WNT16: variants seen among roughly 807,000 people sequenced by gnomAD.
WNT16 encodes the protein protein Wnt-16.
A neutral mutation model predicts 35.4 loss-of-function variants in WNT16; 20 were observed. That is an observed-to-expected ratio of 0.56 (90% CI 0.40 to 0.82). The LOEUF is 0.82. WNT16 is among the 40% of genes least tolerant of loss of function. The pLI, the probability that WNT16 is intolerant of heterozygous loss-of-function variation, is 0.00. For missense variants in WNT16, 461 were observed against 466.0 expected, an observed-to-expected ratio of 0.99 and a Z score of 0.10; for synonymous variants, 180 against 179.2, an observed-to-expected ratio of 1.00 and a Z score of -0.03.
chr7:121,328,166 T>A (rs932329455), upstream of WNT16, among the ~76,000 whole-genome samples: 3 of 152,076 alleles, frequency 2.0e-5, no homozygotes, highest in African/African-American at 7.2e-5. Context: ...GGCAAAGGGG[T>A]GCCCAATCCT....
At position 121,340,793 on chromosome 7, in the gene WNT16, C is replaced by T. The variant is rs1241213830; in HGVS notation, c.*1448C>T. On this transcript the variant is annotated 3_prime_UTR_variant, in exon 4 of 4. Coordinates refer to ENST00000222462, the MANE Select transcript of WNT16 (RefSeq NM_057168.2). ...ATGCATGTATATTCATCATATTTTA[C>T]AAGGTTCCTGGTAAAAATTACAGGG... 1 of 152,110 alleles carries T rather than the reference C, an allele frequency of 6.6e-6. No individual in the cohort carries two copies. The highest frequency in any genetic ancestry group is 1.5e-5 in the Non-Finnish European group (1 of 67,912). The allele number at this position is 152,110 out of a possible 1,614,324, so 9.4% of individuals were successfully genotyped here. A position where few individuals can be genotyped will look rare whatever the true frequency, so the allele number is the denominator to read the frequency against.
chr7:121,330,717 A>G (rs1793332007), intron 2 of WNT16, among the ~76,000 whole-genome samples: 1 of 114,720 alleles, frequency 8.7e-6, no homozygotes, highest in African/African-American at 3.2e-5. Flanking sequence ...GTAGAGAGAA[A>G]AAAAAAAAAA....
At chr7:121,333,983 T>C (rs1023568342) in intron 3 of WNT16, among the ~76,000 whole-genome samples, 2 of 152,054 alleles carry the variant, frequency 1.3e-5, no homozygotes, top group African/African-American at 4.8e-5. Context: ...TAGGTAGTAA[T>C]GTTCCTCTCT....
At chr7:121,332,237 C>CGTGTGTGTGTGT (rs56219125) in intron 3 of WNT16, among the ~76,000 whole-genome samples, 13,571 of 151,326 alleles carry the variant, frequency 0.09, 805 homozygotes, top group Non-Finnish European at 0.13. Flanking sequence ...AATAAATATA[C>CGTGTGTGTGTGT]GTGTGTGTGT....
At chr7:121,336,527 G>A (rs879408136) in intron 3 of WNT16, among the ~76,000 whole-genome samples, 3 of 152,202 alleles carry the variant, frequency 2.0e-5, no homozygotes, top group Non-Finnish European at 2.9e-5. Flanking sequence ...ATCCTTCATC[G>A]TGTTGTAGTG....
chr7:121,338,838 C>T lies in WNT16; in HGVS notation c.634-43C>T, dbSNP rs1308205020. On this transcript the variant is annotated intron_variant, in intron 3 of 3. Transcript: ENST00000222462. ...ACTGTGCTTCTGTTGTTGAGTAAAA[C>T]ACTTTATGATTGATAGTTGAACACA... 2.0e-6 allele frequency: 3 copies of T among 1,537,408 alleles called. No homozygotes were observed. In the Admixed American group the frequency reaches 5.7e-5, roughly 29 times the overall value.
At position 121,336,148 on chromosome 7, in the gene WNT16, T is replaced by C. The variant is rs147098229; in HGVS notation, c.634-2733T>C. 2.6e-5 allele frequency among the ~76,000 whole-genome samples: 4 copies of C among 151,996 alleles called. No individual in the cohort carries two copies. The East Asian group carries it at 7.7e-4, about 29-fold the overall frequency. On this transcript the variant is annotated intron_variant, in intron 3 of 3. Transcript: ENST00000222462. ...TATTATGGGGGTATAATCTTTGAAA[T>C]TCCAGGTCAGGTTATTGATATTTTT...
chr7:121,331,362 T>C (rs111629912), intron 2 of WNT16, among the ~76,000 whole-genome samples: 1 of 152,208 alleles, frequency 6.6e-6, no homozygotes, highest in Non-Finnish European at 1.5e-5. Context: ...GAGCTATGAC[T>C]GTCAACTGTG....
Position 121,338,981 on chromosome 7 carries a change from T to C in WNT16, c.734T>C (p.Ile245Thr), listed in dbSNP as rs779537730. 2 of 1,614,114 alleles carry C rather than the reference T, an allele frequency of 1.2e-6. No homozygotes were observed. Among genetic ancestry groups the C allele is most frequent in the South Asian group, 1.1e-5 (1 of 91,088 alleles). ...AAAACCATGTCTTCTTTTGAAAAGA[T>C]TGGCCATTTGTTGAAGGATAAATAT... The part of the protein sequence containing the change: ...CWKTMSSFEK[I>T]GHLLKDKYEN... Residue 245 changes from isoleucine to threonine, a missense_variant, in exon 4 of 4, where the codon ATT (isoleucine) becomes ACT (threonine). By Grantham distance (89) the Ile-to-Thr change is moderately conservative. Coordinates refer to ENST00000222462, the MANE Select transcript of WNT16 (RefSeq NM_057168.2).
intron 2 of WNT16, among the ~76,000 whole-genome samples, chr7:121,330,439 C>T (rs926017128): frequency 1.3e-5 from 2 of 152,238 alleles, no homozygotes; most frequent in Non-Finnish European, 1.5e-5. Context: ...CGGGAAGCTG[C>T]AGGAAAACAA....
chr7:121,333,995 T>C (rs1793395523), intron 3 of WNT16, among the ~76,000 whole-genome samples: 1 of 152,032 alleles, frequency 6.6e-6, no homozygotes, highest in Non-Finnish European at 1.5e-5. Flanking sequence ...TTCCTCTCTG[T>C]AACTGTTAAT....
In WNT16 at chr7:121,329,804, C is replaced by A. The variant is rs1414191450; in HGVS notation, c.333C>A (p.Tyr111Ter). Residue 111 changes from tyrosine (Y) to a stop codon, truncating the protein, a stop_gained, in exon 2 of 4, where the codon TAC becomes TAA. Transcript: ENST00000222462. LOFTEE classifies it high-confidence loss of function. ...APMGASPLFG[Y>*]ELSSGTKETA... ...TGGGCGCCAGCCCCCTCTTTGGCTA[C>A]GAGCTGAGCAGCGGTGAGTCCTGGG... The A allele has an allele frequency of 6.2e-7, 1 of 1,603,798 alleles. No individual in the cohort carries two copies. The highest frequency in any genetic ancestry group is 1.7e-5 in the Admixed American group (1 of 60,034).
At chr7:121,337,569 T>A (rs1413867865) in intron 3 of WNT16, among the ~76,000 whole-genome samples, 1 of 152,238 alleles carries the variant, frequency 6.6e-6, no homozygotes. Flanking sequence ...TTACCCAGCA[T>A]GTTGACAGAA....
At chr7:121,327,349 C>CTTTTT (rs34420179), upstream of WNT16, among the ~76,000 whole-genome samples, 4 of 121,552 alleles carry the variant, frequency 3.3e-5, no homozygotes, top group Non-Finnish European at 5.1e-5. Flanking sequence ...CTATCTAATC[C>CTTTTT]TTTTTTTTTT....
At chr7:121,330,161 A>C (rs922596923) in intron 2 of WNT16, among the ~76,000 whole-genome samples, 1 of 152,236 alleles carries the variant, frequency 6.6e-6, no homozygotes, top group Non-Finnish European at 1.5e-5. Context: ...CAGCTGGAGA[A>C]ACATGATGTC....
chr7:121,337,006 T>C (rs757247393), intron 3 of WNT16, among the ~76,000 whole-genome samples: 1 of 152,164 alleles, frequency 6.6e-6, no homozygotes, highest in Non-Finnish European at 1.5e-5. Flanking sequence ...TCGTAAACTT[T>C]GGGAGCTTAA....
At position 121,329,839 on chromosome 7, in the gene WNT16, G is replaced by A. The variant is rs545260312; in HGVS notation, c.346+22G>A. 2.8e-5 allele frequency: 44 copies of A among 1,593,504 alleles called. No individual in the cohort carries two copies. In the South Asian group the frequency reaches 3.7e-4, roughly 14 times the overall value. On this transcript the variant is annotated intron_variant, in intron 2 of 3. Transcript: ENST00000222462. Reference sequence around the variant, plus strand: ...AGCGGTGAGTCCTGGGTCCTTAGGGGTTGGTGGGGGACGGAAGGCGACAAC... The same window carrying A: ...AGCGGTGAGTCCTGGGTCCTTAGGGATTGGTGGGGGACGGAAGGCGACAAC...
chr7:121,329,674 C>T lies in WNT16; in HGVS notation c.203C>T (p.Pro68Leu). 1.2e-6 allele frequency: 2 copies of T among 1,614,066 alleles called. No homozygotes were observed. The highest frequency in any genetic ancestry group is 1.7e-6 in the Non-Finnish European group (2 of 1,179,994). ...TGCAAGAGGAAACCGTACCTGCTGCCGAGCATCCGAGAGGGCGCCCGGCTG... is the reference window on the plus strand; with the variant it reads ...TGCAAGAGGAAACCGTACCTGCTGCTGAGCATCCGAGAGGGCGCCCGGCTG... ...ELCKRKPYLLPSIREGARLGI... is the reference protein window; with the variant it reads ...ELCKRKPYLLLSIREGARLGI... The change falls in exon 2 of 4, where the codon CCG becomes CTG. Residue 68 changes from proline (P) to leucine (L), a missense_variant. Transcript: ENST00000222462.
chr7:121,329,253 A>G lies in WNT16; in HGVS notation c.-40A>G, dbSNP rs1161255895. 1.0e-5 allele frequency: 15 copies of G among 1,507,172 alleles called. No homozygotes were observed. Among genetic ancestry groups the G allele is most frequent in the African/African-American group, 1.4e-5 (1 of 72,112 alleles). The allele number at this position is 1,507,172 out of a possible 1,614,324, so 93.4% of individuals were successfully genotyped here. A position where few individuals can be genotyped will look rare whatever the true frequency, so the allele number is the denominator to read the frequency against. On this transcript the variant is annotated 5_prime_UTR_variant, in exon 1 of 4. Transcript: ENST00000222462. ...GAAGGGCCTCTGGGGAGGGGGTGCA[A>G]AAGAGGAGCGGCTGGGCTGGGGGAC...
Sources: gnomAD v4.1 joint callset for allele counts (sites outside exome capture counted in the v4.1 genomes callset) on GRCh38, gnomAD v4.1.1 for gene constraint, MANE v1.5 for transcripts, NCBI Gene and HGNC (gene_info 2026-07-23, HGNC 2026-07-21) for gene names.